The following ZDHHC14 variants were observed in gnomAD, a reference collection of about 807,000 sequenced individuals.
The protein encoded by ZDHHC14 is palmitoyltransferase ZDHHC14.
ZDHHC14 carries 16 observed loss-of-function variants against 47.7 expected under a neutral mutation model. That is an observed-to-expected ratio of 0.34 (90% CI 0.23 to 0.51). ZDHHC14 has a LOEUF of 0.51. Ranked by LOEUF, ZDHHC14 falls within the 20% of genes least tolerant of loss-of-function variation. The pLI, the probability that ZDHHC14 is intolerant of heterozygous loss-of-function variation, is 0.97. For missense variants in ZDHHC14, 515 were observed against 662.5 expected (o/e 0.78, Z 2.44); for synonymous variants, 293 against 278.9 (o/e 1.05, Z -0.50).
chr6:157,565,557 G>A (rs191601936), intron 2 of ZDHHC14, among the ~76,000 whole-genome samples: 16 of 152,214 alleles, frequency 1.1e-4, no homozygotes, highest in Admixed American at 1.3e-4. Flanking sequence ...AGTTGCTCGC[G>A]CCTATAATCC....
At chr6:157,382,386 C>A in intron 1 of ZDHHC14, 120 bp downstream of exon 1, 1 of 1,177,896 alleles carries the variant, frequency 8.5e-7, no homozygotes, top group Admixed American at 2.7e-5. Context: ...TTATATAATG[C>A]CAGTCTGCGC....
chr6:157,570,828 T>C (rs778196456), intron 2 of ZDHHC14, among the ~76,000 whole-genome samples: 10 of 151,688 alleles, frequency 6.6e-5, no homozygotes, highest in Admixed American at 2.6e-4. Context: ...TATATATATA[T>C]ATACACACAC....
At chr6:157,672,654 CATCCCTG>C in intron 8 of ZDHHC14, 63 bp from the exon 9 acceptor site, 1 of 1,171,350 alleles carries the variant, frequency 8.5e-7, no homozygotes, top group Non-Finnish European at 1.2e-6. Context: ...GCCCTGTCCC[CATCCCTG>C]TCCCTCCCCA....
intron 1 of ZDHHC14, among the ~76,000 whole-genome samples, chr6:157,469,268 G>A (rs1453970557): frequency 6.6e-6 from 1 of 152,164 alleles, no homozygotes; most frequent in Admixed American, 6.5e-5. Context: ...TGGAGTTGAT[G>A]AGCCTGTGTC....
In ZDHHC14 at chr6:157,452,238, T is replaced by A. The variant is rs201521749; in HGVS notation, c.245+69972T>A. Among the ~76,000 whole-genome samples the A allele has an allele frequency of 1.0e-4, 11 of 109,986 alleles. No homozygotes were observed. In the East Asian group the frequency reaches 3.8e-3, roughly 38 times the overall value. The allele number at this position is 109,986 out of a possible 152,430, so 72.2% of individuals were successfully genotyped here. On this transcript the variant is annotated intron_variant, in intron 1 of 8. Coordinates refer to ENST00000359775, the MANE Select transcript of ZDHHC14 (RefSeq NM_024630.3). Reference sequence around the variant, plus strand: ...CACCTACACTCCTAATTTCCTAAAGTACCTAGTATTTTTTTTTTTTTATAA... The same window carrying A: ...CACCTACACTCCTAATTTCCTAAAGAACCTAGTATTTTTTTTTTTTTATAA...
intron 2 of ZDHHC14, among the ~76,000 whole-genome samples, chr6:157,564,548 A>C (rs1782830023): frequency 6.6e-6 from 1 of 152,244 alleles, no homozygotes. Context: ...GTTGTCAGAC[A>C]TCTCTGCAAG....
intron 2 of ZDHHC14, among the ~76,000 whole-genome samples, chr6:157,592,117 C>G (rs562236641): frequency 7.2e-5 from 11 of 152,052 alleles, no homozygotes. Context: ...ACCTTGCCCA[C>G]GTGAGAACAA....
At chr6:157,616,594 C>T (rs990674080) in intron 3 of ZDHHC14, among the ~76,000 whole-genome samples, 1 of 152,166 alleles carries the variant, frequency 6.6e-6, no homozygotes, top group Non-Finnish European at 1.5e-5. Context: ...CAGGTGCACC[C>T]TCCCTGACCT....
chr6:157,443,844 C>T (rs1346952486), intron 1 of ZDHHC14, among the ~76,000 whole-genome samples: 1 of 152,192 alleles, frequency 6.6e-6, no homozygotes. Flanking sequence ...AGTTTTCCTC[C>T]TCTGTAGAGT....
chr6:157,404,210 C>G (rs961544888), intron 1 of ZDHHC14, among the ~76,000 whole-genome samples: 1 of 150,756 alleles, frequency 6.6e-6, no homozygotes, highest in Non-Finnish European at 1.5e-5. Context: ...GATCTCGGCT[C>G]ACTGCAACCT....
chr6:157,599,308 G>A (rs1784251251), intron 3 of ZDHHC14, among the ~76,000 whole-genome samples: 1 of 152,248 alleles, frequency 6.6e-6, no homozygotes, highest in Non-Finnish European at 1.5e-5. Context: ...TCTGCAGCAG[G>A]ATGTTGCAGG....
intron 8 of ZDHHC14, among the ~76,000 whole-genome samples, chr6:157,666,770 C>T (rs1250039419): frequency 2.6e-5 from 4 of 152,202 alleles, no homozygotes; most frequent in Non-Finnish European, 5.9e-5. Context: ...TGTATTCCTA[C>T]ATGAGCAATT....
chr6:157,533,714 T>C (rs1324068883), intron 1 of ZDHHC14, among the ~76,000 whole-genome samples: 1 of 152,044 alleles, frequency 6.6e-6, no homozygotes, highest in African/African-American at 2.4e-5. Flanking sequence ...GGGCACGGAG[T>C]GCAGCCTAGG....
chr6:157,630,526 ACACATATCCTTACACACCCACACTCT>A (rs1785637112), intron 4 of ZDHHC14: 2 of 151,918 alleles, frequency 1.3e-5, no homozygotes, highest in South Asian at 4.2e-4. Flanking sequence ...GCTCACACTC[ACACATATCCTTACACACCCACACTCT>A]CACATACCCT....
At chr6:157,600,564 C>T (rs1253591172) in intron 3 of ZDHHC14, among the ~76,000 whole-genome samples, 1 of 152,144 alleles carries the variant, frequency 6.6e-6, no homozygotes, top group Non-Finnish European at 1.5e-5. Flanking sequence ...CACCACCACG[C>T]CTGGCTAATT....
intron 3 of ZDHHC14, among the ~76,000 whole-genome samples, chr6:157,601,303 CTA>C (rs1265809042): frequency 1.3e-5 from 2 of 152,140 alleles, no homozygotes; most frequent in Non-Finnish European, 2.9e-5. Context: ...ATTAGGATGT[CTA>C]GTATCATTAC....
intron 1 of ZDHHC14, among the ~76,000 whole-genome samples, chr6:157,530,379 C>T (rs1217136327): frequency 1.3e-5 from 2 of 152,184 alleles, no homozygotes; most frequent in Non-Finnish European, 1.5e-5. Context: ...GTCGATACCA[C>T]GGGCATTGTT....
chr6:157,634,936 C>A (rs536965764), intron 5 of ZDHHC14, among the ~76,000 whole-genome samples: 1 of 152,206 alleles, frequency 6.6e-6, no homozygotes, highest in Non-Finnish European at 1.5e-5. Flanking sequence ...CTGGGAGCCA[C>A]CCTTCAGGTG....
At chr6:157,662,691 T>C (rs1236790064) in intron 8 of ZDHHC14, among the ~76,000 whole-genome samples, 1 of 152,250 alleles carries the variant, frequency 6.6e-6, no homozygotes, top group Non-Finnish European at 1.5e-5. Context: ...TGTAGTGACA[T>C]GTCATGGTTC....
Sources: gnomAD v4.1 joint callset for allele counts (sites outside exome capture counted in the v4.1 genomes callset) on GRCh38, gnomAD v4.1.1 for gene constraint, MANE v1.5 for transcripts, NCBI Gene and HGNC (gene_info 2026-07-23, HGNC 2026-07-21) for gene names.